ADCY4: variants seen among roughly 807,000 people sequenced by gnomAD.
ADCY4 encodes the protein adenylate cyclase 4.
In ADCY4, 111 loss-of-function variants were observed where a neutral mutation model predicts 125.5. The observed-to-expected ratio is 0.88, with a 90% confidence interval of 0.76 to 1.04. The LOEUF (loss-of-function observed/expected upper bound fraction) is 1.04. Ranked by LOEUF, ADCY4 falls within the 50% of genes least tolerant of loss-of-function variation. The pLI, the probability that ADCY4 is intolerant of heterozygous loss-of-function variation, is 0.00. For synonymous variants in ADCY4, 576 were observed against 586.9 expected (o/e 0.98, Z 0.27); for missense variants, 1,256 against 1,382.9 (o/e 0.91, Z 1.46).
chr14:24,326,991 G>A (rs1594660181), intron 10 of ADCY4, among the ~76,000 whole-genome samples: 1 of 145,466 alleles, frequency 6.9e-6, no homozygotes, highest in East Asian at 2.1e-4. Flanking sequence ...CCGCCTTCCA[G>A]GTTCAAGCAA....
Position 24,331,813 on chromosome 14 carries a change from C to A in ADCY4, c.644G>T (p.Arg215Leu), listed in dbSNP as rs2042045588. 6.3e-7 allele frequency: 1 copy of A among 1,592,834 alleles called. No homozygotes were observed. Among genetic ancestry groups the A allele is most frequent in the Non-Finnish European group, 8.6e-7 (1 of 1,165,348 alleles). The change falls in exon 4 of 25, where the codon CGG (arginine) becomes CTG (leucine). Residue 215 changes from arginine to leucine, a missense_variant. By Grantham distance (102) the Arg-to-Leu change is moderately radical (BLOSUM62 -2). Transcript: ENST00000418030. ...EALSSLHSRRRLDTEKKHQEH... is the reference protein window; with the variant it reads ...EALSSLHSRRLLDTEKKHQEH... ...CTGGTGCTTCTTCTCGGTGTCCAGC[C>A]GCCGGCGTGAGTGCAGGGAGCTGAG...
intron 20 of ADCY4, among the ~76,000 whole-genome samples, chr14:24,320,608 T>C (rs1439948698): frequency 6.6e-6 from 1 of 152,174 alleles, no homozygotes; most frequent in African/African-American, 2.4e-5. Flanking sequence ...CAAGAGCATT[T>C]CCACAGCAGA....
Position 24,326,312 on chromosome 14 carries a change from A to G in ADCY4, c.1555T>C (p.Trp519Arg), listed in dbSNP as rs1339465738. The G allele has an allele frequency of 3.7e-6, 6 of 1,614,082 alleles. No homozygotes were observed. The highest frequency in any genetic ancestry group is 2.2e-5 in the East Asian group (1 of 44,850). ...EKTLASFSTQWSLDRSRTPRG... is the reference protein window; with the variant it reads ...EKTLASFSTQRSLDRSRTPRG... ...AGGCCTCCTCACCGATCCAGGCTCC[A>G]CTGGGTGCTGAAGGAAGCCAGGGTC... The change falls in exon 11 of 25, where the codon TGG (tryptophan) becomes CGG (arginine). Residue 519 changes from tryptophan (W) to arginine (R), a missense_variant. Physicochemically the swap from Trp to Arg is moderately radical, Grantham distance 101. Coordinates refer to ENST00000418030, the MANE Select transcript of ADCY4 (RefSeq NM_001198568.2).
At chr14:24,329,289 C>T (rs1594664205) in intron 9 of ADCY4, 55 bp from the exon 10 acceptor site, 3 of 1,594,264 alleles carry the variant, frequency 1.9e-6, no homozygotes, top group East Asian at 2.2e-5. Context: ...CCTTCTCCCT[C>T]CACCCCCCAC....
chr14:24,331,735 C>T, intron 4 of ADCY4, 53 bp downstream of exon 4: 1 of 1,479,162 alleles, frequency 6.8e-7, no homozygotes, highest in East Asian at 2.4e-5. Flanking sequence ...GTTATGTAAT[C>T]TAAGCAACTC....
In ADCY4 at chr14:24,319,554, T is replaced by C; in HGVS notation, c.2734-118A>G. ...TCAGGCTGTGGGAGTGGAGATAGTG[T>C]CAGGAAGGAGAGGGTTGGTGGTGGG... On this transcript the variant is annotated intron_variant, in intron 21 of 24. Transcript: ENST00000418030. The surrounding 1 kb of genome is among the most constrained non-coding windows in gnomAD (Gnocchi z 4.5). 7.9e-7 allele frequency: 1 copy of C among 1,272,110 alleles called. No homozygotes were observed. Among genetic ancestry groups the C allele is most frequent in the East Asian group, 2.5e-5 (1 of 40,756 alleles). 78.8% of individuals were successfully genotyped at this position (1,272,110 alleles called of 1,614,324 possible). A position where few individuals can be genotyped will look rare whatever the true frequency, so the allele number is the denominator to read the frequency against.
chr14:24,328,804 G>A, intron 10 of ADCY4: 2 of 491,748 alleles, frequency 4.1e-6, no homozygotes, highest in East Asian at 6.8e-5. Context: ...CGACCCTGTG[G>A]GGCTGGTCCC....
rs137899348 is a variant in ADCY4, at chr14:24,330,198, C to G, written c.1028G>C (p.Arg343Pro). Residue 343 changes from arginine to proline, a missense_variant, in exon 7 of 25, where the codon CGC becomes CCC. Physicochemically the swap from Arg to Pro is moderately radical, Grantham distance 103. Transcript: ENST00000418030. Reference protein sequence around the residue: ...SLPDHAINCVRMGLDMCRAIR... With the variant: ...SLPDHAINCVPMGLDMCRAIR... ...GGCCCGGCACATGTCCAGGCCCATGCGCACGCAGTTGATGGCATGGTCTGG... is the reference window on the plus strand; with the variant it reads ...GGCCCGGCACATGTCCAGGCCCATGGGCACGCAGTTGATGGCATGGTCTGG... 6.2e-7 allele frequency: 1 copy of G among 1,614,062 alleles called. No homozygotes were observed. The highest frequency in any genetic ancestry group is 1.3e-5 in the African/African-American group (1 of 74,928).
chr14:24,325,703 C>T (rs963684540), intron 13 of ADCY4, 115 bp downstream of exon 13: 3 of 1,261,818 alleles, frequency 2.4e-6, no homozygotes, highest in South Asian at 1.4e-5. Flanking sequence ...AAGCTCCTCA[C>T]CCCTAGGATC....
chr14:24,324,772 T>C (rs896975635), intron 14 of ADCY4, among the ~76,000 whole-genome samples: 1 of 151,940 alleles, frequency 6.6e-6, no homozygotes, highest in African/African-American at 2.4e-5. Flanking sequence ...GGTGTGATCT[T>C]GGCTCACTGC....
chr14:24,325,412 G>C lies in ADCY4; in HGVS notation c.1788C>G (p.Leu596=). The C allele has an allele frequency of 6.2e-7, 1 of 1,613,744 alleles. No homozygotes were observed. The highest frequency in any genetic ancestry group is 8.5e-7 in the Non-Finnish European group (1 of 1,179,992). The change falls in exon 14 of 25, where the codon CTC becomes CTG. Residue 596 remains leucine (L), a synonymous_variant. Transcript: ENST00000418030. ...CTAGCATCTGGATGATGAAGTTGGA[G>C]AGAAAAACCAGGAAGGTGCAGGCTT... The part of the protein sequence containing the change: ...YYEACTFLVF[L]SNFIIQMLVT...
rs182742230 is a variant in ADCY4, at chr14:24,325,985, G to A, written c.1655+94C>T. On this transcript the variant is annotated intron_variant, in intron 12 of 24. Transcript: ENST00000418030. ...TGAGGGCAAGAGGGGGTGGTCAGGC[G>A]AGTCTTCCCTCCAGCCCCTCAGGGA... 300 of 1,586,942 alleles carry A rather than the reference G, an allele frequency of 1.9e-4. 1 individual carries two copies. The highest frequency in any genetic ancestry group is 7.7e-4 in the African/African-American group (57 of 74,408).
At position 24,329,420 on chromosome 14, in the gene ADCY4, T is replaced by C. The variant is rs780400345; in HGVS notation, c.1331A>G (p.Tyr444Cys). 1.7e-5 allele frequency: 26 copies of C among 1,563,602 alleles called. No individual in the cohort carries two copies. Among genetic ancestry groups the C allele is most frequent in the Non-Finnish European group, 2.2e-5 (26 of 1,158,718 alleles). Residue 444 changes from tyrosine (Y) to cysteine (C), a missense_variant, in exon 9 of 25, where the codon TAT becomes TGT. Tyr to Cys is a radical substitution (Grantham distance 194). Coordinates refer to ENST00000418030, the MANE Select transcript of ADCY4 (RefSeq NM_001198568.2). ...PYLRELGEPTYLVIDPRAEEE... is the reference protein window; with the variant it reads ...PYLRELGEPTCLVIDPRAEEE... ...TTTTACCCGTGGATCGATGACCAGATAGGTAGGCTCCCCTAGCTCCCGAAG... is the reference window on the plus strand; with the variant it reads ...TTTTACCCGTGGATCGATGACCAGACAGGTAGGCTCCCCTAGCTCCCGAAG...
chr14:24,330,044 C>T, intron 7 of ADCY4, 26 bp from the exon 8 acceptor site: 1 of 1,606,732 alleles, frequency 6.2e-7, no homozygotes, highest in Non-Finnish European at 8.5e-7. Context: ...GTGGGACAAT[C>T]TGAGTCCTAC....
At chr14:24,330,990 C>T in intron 6 of ADCY4, 28 bp downstream of exon 6, 14 of 1,572,848 alleles carry the variant, frequency 8.9e-6, no homozygotes, top group Non-Finnish European at 1.2e-5. Context: ...TTGAGGGTCC[C>T]TGGGTGGGGA....
chr14:24,332,751 C>T, intron 2 of ADCY4, 40 bp downstream of exon 2: 1 of 1,531,188 alleles, frequency 6.5e-7, no homozygotes, highest in Non-Finnish European at 8.8e-7. Flanking sequence ...GGGATCGAAG[C>T]CCGGGCCGTC....
At chr14:24,328,927 T>C in intron 10 of ADCY4, 134 bp downstream of exon 10, 1 of 1,176,436 alleles carries the variant, frequency 8.5e-7, no homozygotes, top group Non-Finnish European at 1.2e-6. Context: ...GACAAGACAG[T>C]TCGGGACTTT....
At chr14:24,334,460 G>T in intron 1 of ADCY4, 34 bp downstream of exon 1, 2 of 1,561,848 alleles carry the variant, frequency 1.3e-6, no homozygotes, top group Admixed American at 1.9e-5. Context: ...TGCTCCCCAG[G>T]TAGAGACCCT....
rs141785426 is a variant in ADCY4 at position 24,328,236 on chromosome 14, G to GT, written c.1524+824_1524+825insA. 1.9e-4 allele frequency among the ~76,000 whole-genome samples: 10 copies of GT among 51,904 alleles called. No homozygotes were observed. The South Asian group carries it at 3.4e-3, about 18-fold the overall frequency. 34.1% of individuals were successfully genotyped at this position (51,904 alleles called of 152,430 possible). A position where few individuals can be genotyped will look rare whatever the true frequency, so the allele number is the denominator to read the frequency against. On this transcript the variant is annotated intron_variant, in intron 10 of 24. Coordinates refer to ENST00000418030, the MANE Select transcript of ADCY4 (RefSeq NM_001198568.2). The stretch of plus-strand genomic sequence containing the variant: ...AGCAGACCGGGAAAGCGGGGTGGGG[G>GT]GGGGGGTCTCCCTTTCCCTGGGGGA...
Sources: gnomAD v4.1 joint callset for allele counts (sites outside exome capture counted in the v4.1 genomes callset) on GRCh38, gnomAD v4.1.1 for gene constraint, Gnocchi (gnomAD v3.1) non-coding constraint, MANE v1.5 for transcripts, NCBI Gene and HGNC (gene_info 2026-07-23, HGNC 2026-07-21) for gene names.